The following GNAO1 variants were observed in gnomAD, a reference collection of about 807,000 sequenced individuals.
GNAO1 encodes the protein G protein subunit alpha o1.
For synonymous variants in GNAO1, 164 were observed against 180.7 expected (o/e 0.91, Z 0.74); for missense variants, 166 against 478.7 (o/e 0.35, Z 6.10).
At chr16:56,242,246 C>T (rs1227315790) in intron 2 of GNAO1, among the ~76,000 whole-genome samples, 1 of 152,034 alleles carries the variant, frequency 6.6e-6, no homozygotes, top group Non-Finnish European at 1.5e-5. Flanking sequence ...GAATATTCAC[C>T]CCCAAATCAT....
intron 2 of GNAO1, among the ~76,000 whole-genome samples, chr16:56,230,337 A>ACATT (rs1192430946): frequency 2.6e-5 from 4 of 152,122 alleles, no homozygotes; most frequent in Non-Finnish European, 5.9e-5. Flanking sequence ...AGGAAGCGGG[A>ACATT]CATTCACCTC....
At chr16:56,344,743 G>A (rs940270382) in intron 6 of GNAO1, 13 of 985,518 alleles carry the variant, frequency 1.3e-5, no homozygotes, top group Middle Eastern at 5.2e-4. Context: ...GCCAAAGGGT[G>A]ACCCATTTCT....
rs2036890755 is a variant in GNAO1, at chr16:56,260,238, T to C, written c.162-15693T>C. On this transcript the variant is annotated intron_variant, in intron 2 of 8. Transcript: ENST00000262493. ...AGGCCCAGCTCTCGCTACTGTGGCG[T>C]GGCTAAGTGACAATGGGCAGTGTGG... Among the ~76,000 whole-genome samples, 5 of 152,176 alleles carry C rather than the reference T, an allele frequency of 3.3e-5. No homozygotes were observed. The South Asian group carries it at 1.0e-3, about 32-fold the overall frequency.
At chr16:56,307,173 AG>A (rs1330584392) in intron 3 of GNAO1, 2 of 152,198 alleles carry the variant, frequency 1.3e-5, no homozygotes, top group African/African-American at 4.8e-5. Context: ...TGCCCTCCCC[AG>A]GAGGGGGCTG....
chr16:56,337,986 G>A (rs990790841), intron 6 of GNAO1, among the ~76,000 whole-genome samples: 16 of 152,222 alleles, frequency 1.1e-4, no homozygotes, highest in African/African-American at 3.6e-4. Context: ...GTTTGAGGTT[G>A]GAGGTGGGGC....
chr16:56,347,247 G>C (rs2037878437), intron 6 of GNAO1: 1 of 985,462 alleles, frequency 1.0e-6, no homozygotes, highest in Non-Finnish European at 1.2e-6. Flanking sequence ...GGCAAAACCT[G>C]GCAGTTCTCA....
chr16:56,355,401 C>A (rs1250581187), intron 8 of GNAO1: 1 of 152,414 alleles, frequency 6.6e-6, no homozygotes, highest in African/African-American at 2.4e-5. Flanking sequence ...GGAGTCCCTC[C>A]TTTTGAGGAT....
intron 2 of GNAO1, among the ~76,000 whole-genome samples, chr16:56,258,477 G>A (rs2036873325): frequency 6.6e-6 from 1 of 152,236 alleles, no homozygotes; most frequent in South Asian, 2.1e-4. Context: ...GAAAGGGAGT[G>A]TTGGGCATTT....
chr16:56,226,556 G>A (rs558674181), intron 2 of GNAO1: 2 of 152,380 alleles, frequency 1.3e-5, no homozygotes, highest in East Asian at 3.9e-4. Flanking sequence ...GGTAGATGGG[G>A]ATGCCGTCTA....
intron 3 of GNAO1, among the ~76,000 whole-genome samples, chr16:56,325,752 C>A (rs961219743): frequency 6.6e-6 from 1 of 152,138 alleles, no homozygotes; most frequent in Non-Finnish European, 1.5e-5. Context: ...GTGGCAGAAA[C>A]TAACGGGATA....
intron 2 of GNAO1, among the ~76,000 whole-genome samples, chr16:56,197,282 C>T (rs1417575200): frequency 6.6e-6 from 1 of 152,206 alleles, no homozygotes; most frequent in African/African-American, 2.4e-5. Context: ...GTTATTTCTG[C>T]AGTCATCTCA....
In GNAO1 at chr16:56,267,361, G is replaced by A. The variant is rs79401598; in HGVS notation, c.162-8570G>A. On this transcript the variant is annotated intron_variant, in intron 2 of 8. Coordinates refer to ENST00000262493, the MANE Select transcript of GNAO1 (RefSeq NM_020988.3). The stretch of plus-strand genomic sequence containing the variant: ...TCCCTCAGGAGGGAACGGCAGACCC[G>A]TGCCAGTGCCAGCTCCAGGGAAGCC... 6.8e-4 allele frequency among the ~76,000 whole-genome samples: 104 copies of A among 152,302 alleles called. 1 individual carries two copies. The highest frequency in any genetic ancestry group is 9.9e-4 in the African/African-American group (41 of 41,548).
chr16:56,196,136 T>TC lies in GNAO1; in HGVS notation c.161+3529dup, dbSNP rs567212878. On this transcript the variant is annotated intron_variant, in intron 2 of 8. Coordinates refer to ENST00000262493, the MANE Select transcript of GNAO1 (RefSeq NM_020988.3). Reference sequence around the variant, plus strand: ...TTTATTTGAACATAGTGTTTTGGGTTCCCCCCCCCTTGTGTGTGTGATTGT... The same window carrying TC: ...TTTATTTGAACATAGTGTTTTGGGTTCCCCCCCCCCTTGTGTGTGTGATTGT... Among the ~76,000 whole-genome samples the TC allele has an allele frequency of 6.9e-3, 1,041 of 150,072 alleles. 6 individuals carry two copies. Among genetic ancestry groups the TC allele is most frequent in the Non-Finnish European group, 8.8e-3 (596 of 67,430 alleles).
At chr16:56,242,998 A>C (rs2895070) in intron 2 of GNAO1, among the ~76,000 whole-genome samples, 37,264 of 151,776 alleles carry the variant, frequency 0.25, 5,008 homozygotes, top group Middle Eastern at 0.35. Flanking sequence ...AAGGAGCATT[A>C]GATTCTTATA....
chr16:56,286,244 C>T (rs1303763557), intron 3 of GNAO1, among the ~76,000 whole-genome samples: 1 of 152,222 alleles, frequency 6.6e-6, no homozygotes, highest in Non-Finnish European at 1.5e-5. Context: ...CAGCTCCGTT[C>T]CCTCTTCTTT....
At chr16:56,322,377 A>G (rs770411327) in intron 3 of GNAO1, among the ~76,000 whole-genome samples, 1 of 152,138 alleles carries the variant, frequency 6.6e-6, no homozygotes, top group African/African-American at 2.4e-5. Context: ...GCTAGAAAAT[A>G]CCCACCACAC....
In GNAO1 at chr16:56,344,811, T is replaced by C. The variant is rs1295075488; in HGVS notation, c.724-6573T>C. ...TCTGAGGTGTGAATAGATATGTTTT[T>C]CCTTCAGTCCACACTGAATTCAACT... On this transcript the variant is annotated intron_variant, in intron 6 of 8. Transcript: ENST00000262493. 24 of 985,382 alleles carry C rather than the reference T, an allele frequency of 2.4e-5. No homozygotes were observed. The African/African-American group carries it at 4.2e-4, about 17-fold the overall frequency. The allele number at this position is 985,382 out of a possible 1,614,324, so 61.0% of individuals were successfully genotyped here. A position where few individuals can be genotyped will look rare whatever the true frequency, so the allele number is the denominator to read the frequency against.
intron 2 of GNAO1, among the ~76,000 whole-genome samples, chr16:56,271,300 C>A (rs1214611082): frequency 6.6e-6 from 1 of 152,156 alleles, no homozygotes; most frequent in African/African-American, 2.4e-5. Flanking sequence ...TAATTTATCT[C>A]CTAGAATTGT....
chr16:56,328,343 C>T lies in GNAO1; in HGVS notation c.304-288C>T, dbSNP rs540268036. Among the ~76,000 whole-genome samples the T allele has an allele frequency of 1.1e-4, 17 of 152,270 alleles. No homozygotes were observed. The South Asian group carries it at 2.5e-3, about 22-fold the overall frequency. ...TGAGTTGGAGAGTGGAGAACAGAGC[C>T]GGGCCCACTCTCCCTTCCTGCCCCA... is the stretch of plus-strand genomic sequence containing the variant. On this transcript the variant is annotated intron_variant, in intron 3 of 8. Coordinates refer to ENST00000262493, the MANE Select transcript of GNAO1 (RefSeq NM_020988.3).
Sources: allele counts gnomAD v4.1 joint callset (sites outside exome capture counted in the v4.1 genomes callset), GRCh38; gene constraint gnomAD v4.1.1; transcripts MANE v1.5; gene names NCBI Gene and HGNC (gene_info 2026-07-23, HGNC 2026-07-21).